The following OPCML variants were observed in gnomAD, a reference collection of about 807,000 sequenced individuals.
The protein encoded by OPCML is opioid-binding protein/cell adhesion molecule.
OPCML carries 13 observed loss-of-function variants against 37.8 expected under a neutral mutation model. The observed-to-expected ratio is 0.34, with a 90% CI of 0.22 to 0.55. OPCML has a LOEUF of 0.55. OPCML is among the 20% of genes least tolerant of loss of function. The pLI is 0.91. For synonymous variants in OPCML, 176 were observed against 168.8 expected (o/e 1.04, Z -0.33); for missense variants, 341 against 435.6 (o/e 0.78, Z 1.93).
chr11:133,270,107 C>G (rs187326332), intron 1 of OPCML, among the ~76,000 whole-genome samples: 1 of 152,250 alleles, frequency 6.6e-6, no homozygotes, highest in Non-Finnish European at 1.5e-5. Context: ...AGCAAAGACA[C>G]CAAGAACTGA....
intron 2 of OPCML, among the ~76,000 whole-genome samples, chr11:132,818,198 G>C (rs1939741218): frequency 6.6e-6 from 1 of 152,028 alleles, no homozygotes; most frequent in Admixed American, 6.6e-5. Context: ...GAAGATCCTT[G>C]ATTCATTTCC....
At chr11:133,214,476 C>T (rs764992822) in intron 1 of OPCML, among the ~76,000 whole-genome samples, 4 of 151,880 alleles carry the variant, frequency 2.6e-5, no homozygotes, top group Admixed American at 2.0e-4. Context: ...ATTATTTTTT[C>T]GTAATGTTCA....
intron 3 of OPCML, among the ~76,000 whole-genome samples, chr11:132,652,872 T>C (rs1449174423): frequency 1.3e-5 from 2 of 152,208 alleles, no homozygotes; most frequent in South Asian, 4.1e-4. Context: ...GCCACTCCAG[T>C]AGCAACATCA....
At chr11:132,738,035 C>T (rs954897893) in intron 2 of OPCML, among the ~76,000 whole-genome samples, 1 of 152,148 alleles carries the variant, frequency 6.6e-6, no homozygotes, top group South Asian at 2.1e-4. Flanking sequence ...ACTTAGCTCT[C>T]CCCCTGTAGG....
rs118061216 is a variant in OPCML at position 132,623,192 on chromosome 11, C to T, written c.379+33895G>A. Among the ~76,000 whole-genome samples the T allele has an allele frequency of 2.7e-4, 41 of 152,178 alleles. 1 individual carries two copies. The East Asian group carries it at 6.2e-3, about 23-fold the overall frequency. ...GAAAATGCTGGCATCTGTTTCTGAG[C>T]GGTAAAACCCCTGAGGCAGAGCACA... On this transcript the variant is annotated intron_variant, in intron 3 of 7. Coordinates refer to ENST00000524381, the MANE Select transcript of OPCML (RefSeq NM_001012393.5).
intron 1 of OPCML, among the ~76,000 whole-genome samples, chr11:133,351,428 A>C (rs1445096830): frequency 6.6e-6 from 1 of 152,142 alleles, no homozygotes; most frequent in African/African-American, 2.4e-5. Context: ...TAACAACAAC[A>C]AGAAATAAAC....
At chr11:132,934,565 C>T (rs1565351005) in intron 2 of OPCML, among the ~76,000 whole-genome samples, 1 of 152,138 alleles carries the variant, frequency 6.6e-6, no homozygotes, top group African/African-American at 2.4e-5. Context: ...TATCTGCCAA[C>T]TTTCTTTCTT....
rs1170222717 is a variant in OPCML, at chr11:133,140,985, AGAAGAAGAAGAAGACGACGACGAC to A, written c.62-197999_62-197976del. On this transcript the variant is annotated intron_variant, in intron 1 of 7. Transcript: ENST00000524381. ...AAGAAGAAGAAGAAGAAGAAGAAGA[AGAAGAAGAAGAAGACGACGACGAC>A]GACGACGACGACGACGACGACGACG... Among the ~76,000 whole-genome samples the A allele has an allele frequency of 8.1e-4, 3 of 3,726 alleles. 1 individual carries two copies. The highest frequency in any genetic ancestry group is 1.5e-3 in the African/African-American group (3 of 2,026). 2.4% of individuals were successfully genotyped at this position (3,726 alleles called of 152,430 possible).
chr11:133,221,649 G>C (rs921271350), intron 1 of OPCML, among the ~76,000 whole-genome samples: 6 of 152,182 alleles, frequency 3.9e-5, no homozygotes, highest in African/African-American at 1.4e-4. Flanking sequence ...GGGTGCACGG[G>C]GAGGAGGTTG....
intron 1 of OPCML, among the ~76,000 whole-genome samples, chr11:133,506,365 G>C (rs999370146): frequency 5.9e-5 from 9 of 152,106 alleles, no homozygotes; most frequent in Non-Finnish European, 1.2e-4. Context: ...CCTGCAAATG[G>C]CTTGGCACAT....
chr11:133,404,692 G>A (rs535054792), intron 1 of OPCML, among the ~76,000 whole-genome samples: 14 of 152,336 alleles, frequency 9.2e-5, no homozygotes, highest in African/African-American at 2.4e-4. Flanking sequence ...AGAGGAGGCT[G>A]ATGCAGCTTT....
At chr11:132,675,466 G>T (rs1323546837) in intron 2 of OPCML, among the ~76,000 whole-genome samples, 2 of 151,682 alleles carry the variant, frequency 1.3e-5, no homozygotes, top group African/African-American at 4.8e-5. Context: ...GATATAAAAG[G>T]CACCCAGTTT....
intron 2 of OPCML, among the ~76,000 whole-genome samples, chr11:132,927,811 CA>C (rs1483922218): frequency 1.3e-5 from 2 of 151,920 alleles, no homozygotes; most frequent in Middle Eastern, 3.2e-3. Flanking sequence ...TTTGTGACAT[CA>C]GTAACATATA....
chr11:133,382,188 C>T (rs1387901197), intron 1 of OPCML, among the ~76,000 whole-genome samples: 2 of 152,228 alleles, frequency 1.3e-5, no homozygotes, highest in Non-Finnish European at 2.9e-5. Flanking sequence ...TGCCCCCTGA[C>T]CCAACATTAG....
At chr11:132,971,784 G>C (rs545064973) in intron 1 of OPCML, among the ~76,000 whole-genome samples, 1 of 151,826 alleles carries the variant, frequency 6.6e-6, no homozygotes, top group Admixed American at 6.6e-5. Context: ...TTTCCCTCCC[G>C]CCTCCAAACC....
At chr11:133,106,780 A>G (rs568446045) in intron 1 of OPCML, among the ~76,000 whole-genome samples, 1 of 152,340 alleles carries the variant, frequency 6.6e-6, no homozygotes, top group South Asian at 2.1e-4. Flanking sequence ...CTACATAAAC[A>G]TAAATACAAA....
At chr11:133,143,678 A>C (rs1326072667) in intron 1 of OPCML, among the ~76,000 whole-genome samples, 1 of 152,178 alleles carries the variant, frequency 6.6e-6, no homozygotes, top group Admixed American at 6.5e-5. Context: ...GGAGGCATGA[A>C]TCGGATGATG....
chr11:132,647,022 C>T (rs2135738502), intron 3 of OPCML, among the ~76,000 whole-genome samples: 1 of 152,220 alleles, frequency 6.6e-6, no homozygotes, highest in East Asian at 1.9e-4. Context: ...GACTACAATG[C>T]CTTAAGCAGA....
rs959224013 is a variant in OPCML, at chr11:133,206,221, C to T, written c.62-263211G>A. ...AAACGTCATCAATGCTCAATGAATG[C>T]GAGCAGTACATTAAAGATCAGCAGT... On this transcript the variant is annotated intron_variant, in intron 1 of 7. Coordinates refer to ENST00000524381, the MANE Select transcript of OPCML (RefSeq NM_001012393.5). The surrounding 1 kb of genome is among the most constrained non-coding windows in gnomAD (Gnocchi z 4.7). 3.9e-5 allele frequency among the ~76,000 whole-genome samples: 6 copies of T among 152,108 alleles called. No homozygotes were observed. Among genetic ancestry groups the T allele is most frequent in the African/African-American group, 1.4e-4 (6 of 41,412 alleles).
Sources: allele counts gnomAD v4.1 joint callset (sites outside exome capture counted in the v4.1 genomes callset), GRCh38; gene constraint gnomAD v4.1.1; non-coding constraint Gnocchi (gnomAD v3.1); transcripts MANE v1.5; gene names NCBI Gene and HGNC (gene_info 2026-07-23, HGNC 2026-07-21).